ABCA4: variants seen among roughly 807,000 people sequenced by gnomAD.
ABCA4 encodes the protein retinal-specific phospholipid-transporting ATPase ABCA4.
Under a neutral mutation model 263.7 loss-of-function variants are expected in ABCA4, and 196 were observed. The ratio of observed to expected loss-of-function variants is 0.74; its 90% CI spans 0.66 to 0.84. The LOEUF is 0.84. Ranked by LOEUF, ABCA4 falls within the 40% of genes least tolerant of loss-of-function variation. The pLI is 0.00. For synonymous variants in ABCA4, 1,133 were observed against 1,094.2 expected (o/e 1.04, Z -0.70); for missense variants, 2,792 against 2,855.1 (o/e 0.98, Z 0.50).
At chr1:94,010,143 G>A (rs368017080) in intron 40 of ABCA4, among the ~76,000 whole-genome samples, 26 of 152,352 alleles carry the variant, frequency 1.7e-4, no homozygotes, top group African/African-American at 6.3e-4. Flanking sequence ...AGCTTGCTAG[G>A]AAGGGCTGCT....
intron 6 of ABCA4, among the ~76,000 whole-genome samples, chr1:94,096,721 T>C (rs1261226623): frequency 1.3e-5 from 2 of 152,232 alleles, no homozygotes; most frequent in Admixed American, 6.5e-5. Flanking sequence ...CGATTTACCC[T>C]ACTATCTCTG....
chr1:94,042,924 G>A (rs1158505662), intron 21 of ABCA4, 26 bp from the exon 22 acceptor site: 2 of 1,614,054 alleles, frequency 1.2e-6, no homozygotes, highest in African/African-American at 2.7e-5. Context: ...GGACGGGAGA[G>A]TTAAGGGGCT....
At position 94,055,220 on chromosome 1, in the gene ABCA4, G is replaced by A. The variant is rs2101067799; in HGVS notation, c.2478C>T (p.Asn826=). Residue 826 remains asparagine (N), a synonymous_variant, in exon 16 of 50, where the codon AAC becomes AAT. Transcript: ENST00000370225. ...TGAATTCGTCCCCTTCCGTGGGACTGTTCCCGATGTTGCTCCACTGCAGCC... is the reference window on the plus strand; with the variant it reads ...TGAATTCGTCCCCTTCCGTGGGACTATTCCCGATGTTGCTCCACTGCAGCC... The part of the protein sequence containing the change: ...GLGLQWSNIG[N]SPTEGDEFSF... 1.2e-6 allele frequency: 2 copies of A among 1,614,166 alleles called. No individual in the cohort carries two copies. Among genetic ancestry groups the A allele is most frequent in the Non-Finnish European group, 1.7e-6 (2 of 1,180,030 alleles).
chr1:94,094,342 G>A (rs540170811), intron 6 of ABCA4, among the ~76,000 whole-genome samples: 11 of 152,234 alleles, frequency 7.2e-5, no homozygotes, highest in African/African-American at 9.6e-5. Context: ...ATTGATGGGC[G>A]CATGTAGTCA....
chr1:94,019,940 T>TA (rs1336186651), intron 35 of ABCA4, among the ~76,000 whole-genome samples, 181 bp from the exon 36 acceptor site: 1 of 152,236 alleles, frequency 6.6e-6, no homozygotes, highest in Non-Finnish European at 1.5e-5. Context: ...GGACCAAGGT[T>TA]AAATGGGTAT....
chr1:94,056,847 G>A lies in ABCA4; in HGVS notation c.2161-25C>T. 1.9e-6 allele frequency: 3 copies of A among 1,562,210 alleles called. 1 individual carries two copies. Among genetic ancestry groups the A allele is most frequent in the Non-Finnish European group, 8.7e-7 (1 of 1,149,128 alleles). On this transcript the variant is annotated intron_variant, in intron 14 of 49. Coordinates refer to ENST00000370225, the MANE Select transcript of ABCA4 (RefSeq NM_000350.3). ...GCTGAAACCAAGAGGCCATGCGTCA[G>A]TAACTCCTGCCCTTGGCCGGACGCC...
Position 93,996,994 on chromosome 1 carries a change from G to C in ABCA4, c.6730-799C>G, listed in dbSNP as rs569123741. Among the ~76,000 whole-genome samples, 37 of 152,338 alleles carry C rather than the reference G, an allele frequency of 2.4e-4. No individual in the cohort carries two copies. The South Asian group carries it at 7.2e-3, about 30-fold the overall frequency. Reference sequence around the variant, plus strand: ...GTAGTTGCCAAGGGCGAGGGGGGCAGTAAGTGGTGAGTTAGTGTTTAATGG... The same window carrying C: ...GTAGTTGCCAAGGGCGAGGGGGGCACTAAGTGGTGAGTTAGTGTTTAATGG... On this transcript the variant is annotated intron_variant, in intron 48 of 49. Transcript: ENST00000370225.
intron 6 of ABCA4, among the ~76,000 whole-genome samples, chr1:94,087,472 G>A (rs1661861963): frequency 6.6e-6 from 1 of 152,218 alleles, no homozygotes; most frequent in Non-Finnish European, 1.5e-5. Flanking sequence ...GACACCAGGA[G>A]AAGTCATAGG....
chr1:94,017,989 A>G (rs1052156371), intron 36 of ABCA4, among the ~76,000 whole-genome samples: 1 of 152,190 alleles, frequency 6.6e-6, no homozygotes, highest in African/African-American at 2.4e-5. Flanking sequence ...TGGTGGTCCT[A>G]AGTTCCAAAA....
Position 94,029,470 on chromosome 1 carries a change from C to G in ABCA4, c.4514G>C (p.Gly1505Ala), listed in dbSNP as rs773529178. 1.9e-6 allele frequency: 3 copies of G among 1,567,162 alleles called. 1 individual carries two copies. Among genetic ancestry groups the G allele is most frequent in the African/African-American group, 1.3e-5 (1 of 74,232 alleles). Residue 1505 changes from glycine to alanine, a missense_variant, in exon 30 of 50, where the codon GGT becomes GCT. Gly to Ala is a moderately conservative substitution (Grantham distance 60, BLOSUM62 0). Coordinates refer to ENST00000370225, the MANE Select transcript of ABCA4 (RefSeq NM_000350.3). Reference protein sequence around the residue: ...KLTMLPECPEGAGGLPPPQRT... With the variant: ...KLTMLPECPEAAGGLPPPQRT... ...CTGGGGGGGCGGGAGGCCCCCGGCA[C>G]CCTCGGGGCACTCTGGCAGCATGGT...
chr1:94,011,821 G>A (rs1223466442), intron 38 of ABCA4, among the ~76,000 whole-genome samples: 1 of 152,232 alleles, frequency 6.6e-6, no homozygotes, highest in African/African-American at 2.4e-5. Context: ...AATGTGCAGA[G>A]AAGCTGCAGC....
chr1:94,105,305 C>T (rs922899280), intron 4 of ABCA4, among the ~76,000 whole-genome samples: 10 of 152,336 alleles, frequency 6.6e-5, no homozygotes, highest in Non-Finnish European at 8.8e-5. Context: ...ACTCACCTGA[C>T]CTTACATACA....
rs1168144507 is a variant in ABCA4 at position 94,040,129 on chromosome 1, T to C, written c.3523-2A>G. ...CTTAGACGAGCAGCTGCAGGTCCCCTGCAACAGATGGATGGGATGACTGAC... is the reference window on the plus strand; with the variant it reads ...CTTAGACGAGCAGCTGCAGGTCCCCCGCAACAGATGGATGGGATGACTGAC... On this transcript the variant is annotated splice_acceptor_variant, in intron 23 of 49. Coordinates refer to ENST00000370225, the MANE Select transcript of ABCA4 (RefSeq NM_000350.3). LOFTEE classifies it high-confidence loss of function. 1 of 1,603,940 alleles carries C rather than the reference T, an allele frequency of 6.2e-7. No homozygotes were observed. Among genetic ancestry groups the C allele is most frequent in the East Asian group, 2.2e-5 (1 of 44,756 alleles).
At chr1:94,006,101 T>C (rs1255145265) in intron 43 of ABCA4, among the ~76,000 whole-genome samples, 1 of 152,198 alleles carries the variant, frequency 6.6e-6, no homozygotes, top group Non-Finnish European at 1.5e-5. Context: ...TCCCTTTGGC[T>C]AATATATTCA....
rs766026374 is a variant in ABCA4, at chr1:94,011,273, T to C, written c.5573A>G (p.Tyr1858Cys). The change falls in exon 39 of 50, where the codon TAT (tyrosine) becomes TGT (cysteine). Residue 1858 changes from tyrosine to cysteine, a missense_variant. Coordinates refer to ENST00000370225, the MANE Select transcript of ABCA4 (RefSeq NM_000350.3). The part of the protein sequence containing the change: ...LALSQAVTDV[Y>C]ARFGEEHSAN... ...CGGCTACCACCCACCAAACCGGGCATAGACATCTGTCACAGCCTGGCTCAG... is the reference window on the plus strand; with the variant it reads ...CGGCTACCACCCACCAAACCGGGCACAGACATCTGTCACAGCCTGGCTCAG... 3 of 1,613,938 alleles carry C rather than the reference T, an allele frequency of 1.9e-6. No homozygotes were observed. Among genetic ancestry groups the C allele is most frequent in the Admixed American group, 1.7e-5 (1 of 60,022 alleles).
intron 4 of ABCA4, among the ~76,000 whole-genome samples, chr1:94,104,509 C>T (rs1472028825): frequency 1.3e-5 from 2 of 152,226 alleles, no homozygotes; most frequent in Non-Finnish European, 2.9e-5. Flanking sequence ...TTGTGCCTTT[C>T]CCTGAACAGC....
At chr1:94,046,473 A>AAAAAAAAAAAG (rs71094277) in intron 19 of ABCA4, among the ~76,000 whole-genome samples, 49 of 120,812 alleles carry the variant, frequency 4.1e-4, no homozygotes, top group Non-Finnish European at 7.9e-4. Context: ...AAAAAAAAAA[A>AAAAAAAAAAAG]AAAGAAAAGA....
At chr1:94,114,768 T>C (rs1402323255) in intron 1 of ABCA4, among the ~76,000 whole-genome samples, 1 of 152,216 alleles carries the variant, frequency 6.6e-6, no homozygotes. Flanking sequence ...ATTACAGGCG[T>C]GAGCCACCGC....
chr1:94,064,452 C>T (rs548170165), intron 11 of ABCA4, among the ~76,000 whole-genome samples: 30 of 152,146 alleles, frequency 2.0e-4, no homozygotes, highest in African/African-American at 6.0e-4. Context: ...AGGAATTAGC[C>T]GAGGAGAGGA....
Sources: gnomAD v4.1 joint callset for allele counts (sites outside exome capture counted in the v4.1 genomes callset) on GRCh38, gnomAD v4.1.1 for gene constraint, MANE v1.5 for transcripts, NCBI Gene and HGNC (gene_info 2026-07-23, HGNC 2026-07-21) for gene names.